Variants in ADRA1A observed in about 807,000 individuals in gnomAD.
ADRA1A encodes adrenoceptor alpha 1A.
A neutral mutation model predicts 29.6 loss-of-function variants in ADRA1A; 31 were observed. The observed-to-expected ratio is 1.05, with a 90% CI of 0.79 to 1.41. The LOEUF (loss-of-function observed/expected upper bound fraction) is 1.41. ADRA1A is among the 40% of genes most tolerant of loss of function. The pLI, the probability that ADRA1A is intolerant of heterozygous loss-of-function variation, is 0.00. For missense variants in ADRA1A, 619 were observed against 601.1 expected (o/e 1.03, Z -0.31); for synonymous variants, 311 against 254.3 (o/e 1.22, Z -2.12).
At chr8:26,749,872 G>A (rs1337002628) in intron 2 of ADRA1A, among the ~76,000 whole-genome samples, 1 of 152,060 alleles carries the variant, frequency 6.6e-6, no homozygotes, top group Non-Finnish European at 1.5e-5. Context: ...TACGATCAGG[G>A]CCCCCCTTCC....
chr8:26,748,854 T>C (rs1385211166), intron 2 of ADRA1A: 4 of 359,714 alleles, frequency 1.1e-5, no homozygotes, highest in Non-Finnish European at 2.1e-5. Flanking sequence ...CAGCTTGCAT[T>C]TGGCCAACAG....
intron 2 of ADRA1A, among the ~76,000 whole-genome samples, chr8:26,788,575 A>G (rs536012234): frequency 3.3e-5 from 5 of 152,332 alleles, no homozygotes; most frequent in Admixed American, 1.3e-4. Flanking sequence ...TCAACTGTCC[A>G]GCAATGTGCT....
chr8:26,771,073 C>T (rs17425150), intron 2 of ADRA1A, among the ~76,000 whole-genome samples: 82,010 of 152,108 alleles, frequency 0.54, 23,434 homozygotes, highest in East Asian at 0.85. Context: ...TGAACATGCC[C>T]TTTATTCTCT....
intron 2 of ADRA1A, among the ~76,000 whole-genome samples, chr8:26,784,002 C>T (rs988800741): frequency 1.3e-5 from 2 of 151,658 alleles, no homozygotes; most frequent in African/African-American, 4.9e-5. Flanking sequence ...ATGGGGGGAA[C>T]AACATACACT....
chr8:26,864,073 T>G lies in ADRA1A; in HGVS notation c.883+14A>C. 6.2e-7 allele frequency: 1 copy of G among 1,601,104 alleles called. No individual in the cohort carries two copies. The stretch of plus-strand genomic sequence containing the variant: ...GACCCCCAGATGCTAAAGTGAGGGG[T>G]GTTCAAGACTTACCAATGGGCATGA... On this transcript the variant is annotated intron_variant, in intron 2 of 2. Transcript: ENST00000380573. This position sits in a 1 kb window ranked among gnomAD's most constrained non-coding sequence, Gnocchi z 8.1.
In ADRA1A at chr8:26,855,718, C is replaced by T. The variant is rs140067228; in HGVS notation, c.883+8369G>A. 2.1e-3 allele frequency among the ~76,000 whole-genome samples: 318 copies of T among 152,130 alleles called. 3 individuals are homozygous for T. Among genetic ancestry groups the T allele is most frequent in the African/African-American group, 6.1e-3 (253 of 41,500 alleles). ...CTATGTAACAAACCTGCATATTCTG[C>T]ACTTGTATCCCAGAACTTAAAGAAA... On this transcript the variant is annotated intron_variant, in intron 2 of 2. Transcript: ENST00000380573.
downstream of ADRA1A, among the ~76,000 whole-genome samples, chr8:26,755,168 T>A (rs1408767186): frequency 6.6e-6 from 1 of 151,958 alleles, no homozygotes; most frequent in Non-Finnish European, 1.5e-5. Flanking sequence ...AATATTTATT[T>A]GTATGAAGAG....
rs566700795 is a variant in ADRA1A at position 26,775,287 on chromosome 8, C to T, written c.884-4621G>A. On this transcript the variant is annotated intron_variant, in intron 2 of 2. Transcript: ENST00000380573. The surrounding 1 kb of genome is among the most constrained non-coding windows in gnomAD (Gnocchi z 4.1). ...CAGTGTGGCTTGGTTTTCTTTTCTG[C>T]GTGATGGCTGTAGCCTCATATTATC... Among the ~76,000 whole-genome samples, 28 of 152,258 alleles carry T rather than the reference C, an allele frequency of 1.8e-4. No homozygotes were observed. Among genetic ancestry groups the T allele is most frequent in the African/African-American group, 6.5e-4 (27 of 41,546 alleles).
At chr8:26,797,098 G>A (rs1005419910) in intron 2 of ADRA1A, among the ~76,000 whole-genome samples, 1 of 152,130 alleles carries the variant, frequency 6.6e-6, no homozygotes, top group African/African-American at 2.4e-5. Context: ...GAGATGAAAT[G>A]ATGTGTGTTA....
chr8:26,852,243 A>G (rs539218348), intron 2 of ADRA1A, among the ~76,000 whole-genome samples: 4 of 152,294 alleles, frequency 2.6e-5, no homozygotes, highest in African/African-American at 9.6e-5. Context: ...AAGAAACTAA[A>G]CTTTGCGTAG....
At chr8:26,760,862 C>T (rs922899219), downstream of ADRA1A, among the ~76,000 whole-genome samples, 2 of 152,242 alleles carry the variant, frequency 1.3e-5, no homozygotes, top group Admixed American at 6.5e-5. Flanking sequence ...TAACTGGGAT[C>T]TTACTGTCCC....
chr8:26,789,503 A>C (rs1169768154), intron 2 of ADRA1A, among the ~76,000 whole-genome samples: 1 of 152,194 alleles, frequency 6.6e-6, no homozygotes, highest in Non-Finnish European at 1.5e-5. Flanking sequence ...CCCCTTATAT[A>C]AAAATTCACC....
At chr8:26,843,684 A>G (rs1811997732) in intron 2 of ADRA1A, among the ~76,000 whole-genome samples, 1 of 152,234 alleles carries the variant, frequency 6.6e-6, no homozygotes, top group African/African-American at 2.4e-5. Flanking sequence ...ATGGGCTAAG[A>G]ATATAGGATT....
Position 26,837,284 on chromosome 8 carries a change from GA to G in ADRA1A, c.883+26802del, listed in dbSNP as rs569861964. On this transcript the variant is annotated intron_variant, in intron 2 of 2. Transcript: ENST00000380573. ...ATAAAATATCTCCAAGTGCGGTGCA[GA>G]GTCTATATGAAGAAGCACAGATAGG... Among the ~76,000 whole-genome samples the G allele has an allele frequency of 1.6e-4, 25 of 152,226 alleles. No individual in the cohort carries two copies. The South Asian group carries it at 5.0e-3, about 30-fold the overall frequency.
intron 2 of ADRA1A, among the ~76,000 whole-genome samples, chr8:26,760,011 T>G (rs1805415666): frequency 6.6e-6 from 1 of 151,838 alleles, no homozygotes; most frequent in Admixed American, 6.6e-5. Flanking sequence ...AACCTGAGAG[T>G]CCCCAGGGAG....
chr8:26,808,978 G>T (rs1028599238), intron 2 of ADRA1A, among the ~76,000 whole-genome samples: 1 of 152,258 alleles, frequency 6.6e-6, no homozygotes, highest in South Asian at 2.1e-4. Flanking sequence ...GTACATTGCT[G>T]TTTGTAATGA....
intron 2 of ADRA1A, among the ~76,000 whole-genome samples, chr8:26,780,387 G>A (rs1251280522): frequency 6.6e-6 from 1 of 152,136 alleles, no homozygotes; most frequent in African/African-American, 2.4e-5. Context: ...CTCTAACTTT[G>A]TTAGTTCACG....
chr8:26,809,570 G>A (rs946767987), intron 2 of ADRA1A, among the ~76,000 whole-genome samples: 4 of 152,214 alleles, frequency 2.6e-5, no homozygotes, highest in Non-Finnish European at 4.4e-5. Context: ...TAATAGGGAG[G>A]ATCCCATGGA....
At chr8:26,809,016 T>C (rs547855032) in intron 2 of ADRA1A, among the ~76,000 whole-genome samples, 7 of 152,242 alleles carry the variant, frequency 4.6e-5, no homozygotes, top group Admixed American at 6.5e-5. Context: ...TATTGATGAG[T>C]GAGCTCTTTA....
Sources: allele counts gnomAD v4.1 joint callset (sites outside exome capture counted in the v4.1 genomes callset), GRCh38; gene constraint gnomAD v4.1.1; non-coding constraint Gnocchi (gnomAD v3.1); transcripts MANE v1.5; gene names NCBI Gene and HGNC (gene_info 2026-07-23, HGNC 2026-07-21).